LPP: variants seen among roughly 807,000 people sequenced by gnomAD.
LPP encodes the protein LIM domain containing preferred translocation partner in lipoma.
LPP carries 38 observed loss-of-function variants against 60.4 expected under a neutral mutation model. The ratio of observed to expected loss-of-function variants is 0.63; its 90% CI spans 0.49 to 0.83. The LOEUF is 0.83. Among genes scored for constraint, LPP ranks in the 40% least tolerant of loss-of-function variants. The pLI, the probability that LPP is intolerant of heterozygous loss-of-function variation, is 0.00. For synonymous variants in LPP, 328 were observed against 290.8 expected (o/e 1.13, Z -1.30); for missense variants, 902 against 783.6 (o/e 1.15, Z -1.80).
At chr3:188,635,238 GC>G (rs1371870647) in intron 7 of LPP, among the ~76,000 whole-genome samples, 1 of 152,184 alleles carries the variant, frequency 6.6e-6, no homozygotes, top group Non-Finnish European at 1.5e-5. Context: ...TAACTCACAT[GC>G]TGCATTGTCT....
intron 2 of LPP, among the ~76,000 whole-genome samples, chr3:188,278,258 C>T (rs559219406): frequency 3.3e-5 from 5 of 152,192 alleles, no homozygotes; most frequent in Non-Finnish European, 7.3e-5. Flanking sequence ...CAGGGTCAGA[C>T]TTAGAAACTA....
At chr3:188,678,655 A>G (rs1858687041) in intron 7 of LPP, among the ~76,000 whole-genome samples, 1 of 152,346 alleles carries the variant, frequency 6.6e-6, no homozygotes, top group African/African-American at 2.4e-5. Flanking sequence ...TAATACATAC[A>G]TTCATACATG....
intron 1 of LPP, among the ~76,000 whole-genome samples, chr3:188,155,556 A>T (rs990419614): frequency 6.6e-6 from 1 of 152,164 alleles, no homozygotes; most frequent in Non-Finnish European, 1.5e-5. Context: ...ACTCTTATAG[A>T]TAGAAGAATA....
At chr3:188,611,588 A>G (rs969112797) in intron 7 of LPP, among the ~76,000 whole-genome samples, 16 of 152,224 alleles carry the variant, frequency 1.1e-4, no homozygotes, top group South Asian at 2.1e-4. Context: ...GTTTAAGTTC[A>G]ACTAGACAGA....
intron 3 of LPP, among the ~76,000 whole-genome samples, chr3:188,385,815 G>A (rs898184206): frequency 6.6e-6 from 1 of 152,166 alleles, no homozygotes; most frequent in Admixed American, 6.5e-5. Flanking sequence ...TAGGTAGGCT[G>A]GGTCCTTTGT....
chr3:188,193,995 G>A (rs980958803), intron 1 of LPP, among the ~76,000 whole-genome samples: 1 of 152,186 alleles, frequency 6.6e-6, no homozygotes, highest in Non-Finnish European at 1.5e-5. Flanking sequence ...GACATGCTGT[G>A]TTACATGGGC....
chr3:188,553,470 G>C (rs1304138611), intron 6 of LPP, among the ~76,000 whole-genome samples: 1 of 152,106 alleles, frequency 6.6e-6, no homozygotes, highest in African/African-American at 2.4e-5. Context: ...TGTTGGAGCT[G>C]GCATTACCCA....
Position 188,883,242 on chromosome 3 carries a change from G to C in LPP, c.*8763G>C, listed in dbSNP as rs1578131370. 2 of 213,388 alleles carry C rather than the reference G, an allele frequency of 9.4e-6. No individual in the cohort carries two copies. Among genetic ancestry groups the C allele is most frequent in the East Asian group, 1.4e-4 (2 of 14,480 alleles). The allele number at this position is 213,388 out of a possible 1,614,324, so 13.2% of individuals were successfully genotyped here. On this transcript the variant is annotated 3_prime_UTR_variant, in exon 12 of 12. Transcript: ENST00000617246. ...TTGCATTACTTTTTTGAATTTTTAA[G>C]AATCTCTAAAATTAGTCTGAAGGAT... is the stretch of plus-strand genomic sequence containing the variant.
chr3:188,619,213 C>T (rs370781088), intron 7 of LPP, among the ~76,000 whole-genome samples: 1 of 152,142 alleles, frequency 6.6e-6, no homozygotes, highest in East Asian at 1.9e-4. Context: ...TTGGTAGAGA[C>T]GGGGTTTTAC....
chr3:188,324,313 A>G (rs1013198758), intron 2 of LPP, among the ~76,000 whole-genome samples: 4 of 152,072 alleles, frequency 2.6e-5, no homozygotes, highest in Non-Finnish European at 4.4e-5. Flanking sequence ...CTTCTTTACT[A>G]TATTCCATCT....
At chr3:188,171,085 G>A (rs555121273) in intron 1 of LPP, among the ~76,000 whole-genome samples, 14 of 152,280 alleles carry the variant, frequency 9.2e-5, no homozygotes, top group African/African-American at 3.4e-4. Flanking sequence ...GAATTTTTCT[G>A]AGTCTGAGTC....
chr3:188,391,612 A>G (rs899673391), intron 3 of LPP, among the ~76,000 whole-genome samples: 3 of 152,168 alleles, frequency 2.0e-5, no homozygotes, highest in African/African-American at 4.8e-5. Context: ...GGCTGTCTCC[A>G]GAAATGAATC....
rs145369569 is a variant in LPP at position 188,217,200 on chromosome 3, G to A, written c.-189-8205G>A. ...GTGGGGAAGGACTCTGGGAGGTTAT[G>A]TTTAAGCTGAGATCTGAGTGACAAG... On this transcript the variant is annotated intron_variant, in intron 1 of 11. Transcript: ENST00000617246. This position sits in a 1 kb window ranked among gnomAD's most constrained non-coding sequence, Gnocchi z 4.0. Among the ~76,000 whole-genome samples, 828 of 152,336 alleles carry A rather than the reference G, an allele frequency of 5.4e-3. 7 individuals carry two copies. Among genetic ancestry groups the A allele is most frequent in the African/African-American group, 0.018 (765 of 41,572 alleles).
chr3:188,671,541 T>C (rs11928272), intron 7 of LPP, among the ~76,000 whole-genome samples: 5,776 of 152,258 alleles, frequency 0.038, 335 homozygotes, highest in African/African-American at 0.13. Context: ...GAAGATTACA[T>C]CTTGACATGA....
chr3:188,161,641 G>T (rs1718316371), intron 1 of LPP, among the ~76,000 whole-genome samples: 1 of 152,070 alleles, frequency 6.6e-6, no homozygotes, highest in African/African-American at 2.4e-5. Context: ...AGTGGAGTTG[G>T]GTCACAGCCT....
intron 7 of LPP, among the ~76,000 whole-genome samples, chr3:188,635,313 G>A (rs544144939): frequency 1.8e-4 from 28 of 152,042 alleles, no homozygotes; most frequent in Non-Finnish European, 3.5e-4. Context: ...AAAGCTTGTC[G>A]TTGCATCTAA....
chr3:188,382,717 C>T (rs1050614007), intron 3 of LPP, among the ~76,000 whole-genome samples: 5 of 152,134 alleles, frequency 3.3e-5, no homozygotes, highest in Non-Finnish European at 1.5e-5. Context: ...ATTATGGTTT[C>T]GTTTCTTCAC....
chr3:188,296,563 C>G (rs184302300), intron 2 of LPP, among the ~76,000 whole-genome samples: 3 of 152,310 alleles, frequency 2.0e-5, no homozygotes, highest in African/African-American at 7.2e-5. Flanking sequence ...AGTCCTTTCC[C>G]AGCTCCACTT....
intron 2 of LPP, among the ~76,000 whole-genome samples, chr3:188,324,992 T>C (rs553805194): frequency 5.9e-5 from 9 of 152,248 alleles, no homozygotes; most frequent in African/African-American, 1.7e-4. Context: ...TTTCTTTATT[T>C]TTTTTGAGAT....
Sources: allele counts gnomAD v4.1 joint callset (sites outside exome capture counted in the v4.1 genomes callset), GRCh38; gene constraint gnomAD v4.1.1; non-coding constraint Gnocchi (gnomAD v3.1); transcripts MANE v1.5; gene names NCBI Gene and HGNC (gene_info 2026-07-23, HGNC 2026-07-21).